RIF1: variants seen among roughly 807,000 people sequenced by gnomAD.
RIF1 encodes telomere-associated protein RIF1.
In RIF1, 45 loss-of-function variants were observed where a neutral mutation model predicts 247.1. That is an observed-to-expected ratio of 0.18 (90% CI 0.14 to 0.23). The LOEUF (loss-of-function observed/expected upper bound fraction) is 0.23, where lower values mean the gene tolerates loss of function less well. Ranked by LOEUF, RIF1 falls within the 10% of genes least tolerant of loss-of-function variation. The pLI is 1.00. For missense variants in RIF1, 2,967 were observed against 2,862.5 expected (o/e 1.04, Z -0.83); for synonymous variants, 1,087 against 978.8 (o/e 1.11, Z -2.06).
At chr2:151,430,668 T>TC (rs1292223270) in intron 9 of RIF1, among the ~76,000 whole-genome samples, 12 of 151,546 alleles carry the variant, frequency 7.9e-5, no homozygotes, top group East Asian at 3.9e-4. Context: ...GGGCATAGTT[T>TC]CCCCCCCTCC....
intron 9 of RIF1, among the ~76,000 whole-genome samples, chr2:151,488,117 A>G (rs1034658634): frequency 6.6e-6 from 1 of 152,020 alleles, no homozygotes; most frequent in African/African-American, 2.4e-5. Context: ...ATCTATTCTT[A>G]GTCTTCCAAG....
Position 151,490,495 on chromosome 2 carries a change from C to T in RIF1, c.*416-4734C>T, listed in dbSNP as rs121913662. On this transcript the variant is annotated intron_variant and NMD_transcript_variant, in intron 9 of 13. Coordinates refer to the RIF1 transcript ENST00000454583. ...AGTGCACTGGCAGATCGTGACTGCT[C>T]CCGGCTCCGGCGCTGAGCTTGGACT... 39 of 1,609,222 alleles carry T rather than the reference C, an allele frequency of 2.4e-5. No homozygotes were observed. The South Asian group carries it at 3.9e-4, about 16-fold the overall frequency.
chr2:151,491,626 G>A, intron 9 of RIF1: 1 of 1,358,418 alleles, frequency 7.4e-7, no homozygotes, highest in Non-Finnish European at 1.0e-6. Context: ...GAAAGTCATT[G>A]ACTCTAGCAT....
downstream of RIF1, chr2:151,512,721 G>GA: frequency 1.3e-6 from 2 of 1,589,752 alleles, no homozygotes; most frequent in Non-Finnish European, 1.7e-6. Flanking sequence ...ATGGCATGAC[G>GA]AATGTCCTTA....
At chr2:151,452,224 A>G (rs1474536644) in intron 21 of RIF1, among the ~76,000 whole-genome samples, 1 of 152,216 alleles carries the variant, frequency 6.6e-6, no homozygotes, top group Non-Finnish European at 1.5e-5. Context: ...AAATTGGACA[A>G]TTGGGATCAT....
At chr2:151,439,972 C>CAAAAA (rs1165450117) in intron 14 of RIF1, 55 bp from the exon 15 acceptor site, 4,572 of 274,908 alleles carry the variant, frequency 0.017, 89 homozygotes, top group African/African-American at 0.051. Context: ...GACCCTGTCT[C>CAAAAA]AAAAAAAAAA....
In RIF1 at chr2:151,481,461, A is replaced by G. The variant is rs1418275088; in HGVS notation, c.*6390A>G. 2 of 152,212 alleles carry G rather than the reference A, an allele frequency of 1.3e-5. No individual in the cohort carries two copies. The highest frequency in any genetic ancestry group is 4.8e-5 in the African/African-American group (2 of 41,456). The allele number at this position is 152,212 out of a possible 1,614,324, so 9.4% of individuals were successfully genotyped here. A position where few individuals can be genotyped will look rare whatever the true frequency, so the allele number is the denominator to read the frequency against. ...CTGTGAATTATCAGTTGCTTTCTGC[A>G]CTACCTCCTGTAGATAGACCTGACT... On this transcript the variant is annotated 3_prime_UTR_variant, in exon 36 of 36. Coordinates refer to ENST00000444746, the MANE Select transcript of RIF1 (RefSeq NM_018151.5).
At chr2:151,503,616 G>T (rs997012802) in intron 12 of RIF1, among the ~76,000 whole-genome samples, 21 of 88,088 alleles carry the variant, frequency 2.4e-4, no homozygotes, top group Non-Finnish European at 5.1e-4. Flanking sequence ...TTCCAAAATA[G>T]TAAAAATTTT....
At chr2:151,441,882 G>T in intron 15 of RIF1, 23 bp from the exon 16 acceptor site, 1 of 1,188,188 alleles carries the variant, frequency 8.4e-7, no homozygotes, top group Non-Finnish European at 1.2e-6. Context: ...CTAATTTACT[G>T]TAAAACCTTT....
intron 34 of RIF1, among the ~76,000 whole-genome samples, chr2:151,472,388 C>T (rs1407697498): frequency 6.6e-6 from 1 of 152,144 alleles, no homozygotes; most frequent in African/African-American, 2.4e-5. Context: ...ATTGCCCTGG[C>T]CAGAACTTCC....
intron 8 of RIF1, 127 bp downstream of exon 8, chr2:151,423,169 A>G: frequency 1.6e-6 from 1 of 608,106 alleles, no homozygotes. Flanking sequence ...TTTCATGCCT[A>G]CTCACTAAAA....
intron 12 of RIF1, among the ~76,000 whole-genome samples, chr2:151,504,926 T>G (rs2067588641): frequency 6.6e-6 from 1 of 151,894 alleles, no homozygotes; most frequent in African/African-American, 2.4e-5. Flanking sequence ...ACCACTGCAT[T>G]TACTAGATGG....
chr2:151,412,537 G>C (rs1686433892), intron 3 of RIF1, among the ~76,000 whole-genome samples: 1 of 151,980 alleles, frequency 6.6e-6, no homozygotes, highest in East Asian at 1.9e-4. Context: ...GCCCGTGCTG[G>C]AGTGCAGTGG....
chr2:151,513,537 C>A, the RIF1 span: 1 of 1,419,062 alleles, frequency 7.0e-7, no homozygotes, highest in Non-Finnish European at 9.8e-7. Context: ...CTTAAAGTTA[C>A]AACTACTTTC....
At chr2:151,425,595 C>G (rs942094974) in intron 8 of RIF1, among the ~76,000 whole-genome samples, 2 of 150,328 alleles carry the variant, frequency 1.3e-5, no homozygotes, top group African/African-American at 4.9e-5. Context: ...CTTTTGCATG[C>G]AGATGTTCAG....
Position 151,470,055 on chromosome 2 carries a change from C to T in RIF1, c.7095+191C>T, listed in dbSNP as rs534526368. Among the ~76,000 whole-genome samples the T allele has an allele frequency of 4.6e-5, 7 of 152,160 alleles. No homozygotes were observed. In the South Asian group the frequency reaches 1.5e-3, roughly 32 times the overall value. On this transcript the variant is annotated intron_variant, in intron 34 of 35. Transcript: ENST00000444746. ...CATTAAATTCTGTTCATCCCCTTCTCTCTTTCATTTCCACCATTCGGTATT... is the reference window on the plus strand; with the variant it reads ...CATTAAATTCTGTTCATCCCCTTCTTTCTTTCATTTCCACCATTCGGTATT...
In RIF1 at chr2:151,416,583, T is replaced by G. The variant is rs199643295; in HGVS notation, c.303T>G (p.Leu101=). The G allele has an allele frequency of 2.5e-6, 4 of 1,603,514 alleles. No homozygotes were observed. ...CAGAGGCAAATGCTCTAGAATTGCT[T>G]TCAAAATTGAATGATACCATTAAGA... ...ELSEANALEL[L]SKLNDTIKNS... Residue 101 remains leucine, a synonymous_variant, in exon 5 of 36, where the codon CTT becomes CTG. Coordinates refer to ENST00000444746, the MANE Select transcript of RIF1 (RefSeq NM_018151.5).
chr2:151,462,188 A>T (rs577390859), intron 27 of RIF1, 54 bp from the exon 28 acceptor site: 1 of 1,262,808 alleles, frequency 7.9e-7, no homozygotes, highest in African/African-American at 1.5e-5. Context: ...TTTAATTTCT[A>T]ATTGTAAGAA....
At chr2:151,434,333 A>G (rs1028794851) in intron 10 of RIF1, among the ~76,000 whole-genome samples, 39 of 151,980 alleles carry the variant, frequency 2.6e-4, no homozygotes, top group African/African-American at 9.2e-4. Flanking sequence ...TGATTTTACG[A>G]ATTCTTCAGG....
Sources: allele counts gnomAD v4.1 joint callset (sites outside exome capture counted in the v4.1 genomes callset), GRCh38; gene constraint gnomAD v4.1.1; transcripts MANE v1.5; gene names NCBI Gene and HGNC (gene_info 2026-07-23, HGNC 2026-07-21).